The following KCNQ1 variants were observed in gnomAD, a reference collection of about 807,000 sequenced individuals.
The protein encoded by KCNQ1 is potassium voltage-gated channel subfamily Q member 1.
KCNQ1 carries 49 observed loss-of-function variants against 72.4 expected under a neutral mutation model. The ratio of observed to expected loss-of-function variants is 0.68; its 90% CI spans 0.54 to 0.86. KCNQ1 has a LOEUF of 0.86. Ranked by LOEUF, KCNQ1 falls within the 40% of genes least tolerant of loss-of-function variation. KCNQ1 has a pLI of 0.00. For synonymous variants in KCNQ1, 450 were observed against 412.6 expected (o/e 1.09, Z -1.10); for missense variants, 790 against 945.1 (o/e 0.84, Z 2.15).
At position 2,588,197 on chromosome 11, in the gene KCNQ1, G is replaced by A. The variant is rs116665943; in HGVS notation, c.1251+505G>A. Among the ~76,000 whole-genome samples the A allele has an allele frequency of 2.6e-5, 4 of 152,046 alleles. No individual in the cohort carries two copies. Among genetic ancestry groups the A allele is most frequent in the Non-Finnish European group, 4.4e-5 (3 of 67,992 alleles). ...GGGGTCATAAGGGGTTGGGGCTGAC[G>A]CTGGCATGGTTCCCCTTCCTGGCCC... is the stretch of plus-strand genomic sequence containing the variant. On this transcript the variant is annotated intron_variant, in intron 9 of 15. Transcript: ENST00000155840. This position sits in a 1 kb window ranked among gnomAD's most constrained non-coding sequence, Gnocchi z 5.6.
At position 2,549,824 on chromosome 11, in the gene KCNQ1, C is replaced by T. The variant is rs376219662; in HGVS notation, c.478-20804C>T. Among the ~76,000 whole-genome samples the T allele has an allele frequency of 6.6e-6, 1 of 152,150 alleles. No individual in the cohort carries two copies. Among genetic ancestry groups the T allele is most frequent in the East Asian group, 1.9e-4 (1 of 5,176 alleles). On this transcript the variant is annotated intron_variant, in intron 2 of 15. Transcript: ENST00000155840. This position sits in a 1 kb window ranked among gnomAD's most constrained non-coding sequence, Gnocchi z 6.2. Reference sequence around the variant, plus strand: ...TGCGCCTCCTTCCCCATGACTGGCCCTGGGTGGCGGAGAGACCCCTGGGCA... The same window carrying T: ...TGCGCCTCCTTCCCCATGACTGGCCTTGGGTGGCGGAGAGACCCCTGGGCA...
At chr11:2,846,810 T>C (rs1848338550) in intron 15 of KCNQ1, among the ~76,000 whole-genome samples, 1 of 152,274 alleles carries the variant, frequency 6.6e-6, no homozygotes, top group South Asian at 2.1e-4. Flanking sequence ...GCTTCTCTGC[T>C]GCCTCCGCAG....
intron 15 of KCNQ1, among the ~76,000 whole-genome samples, chr11:2,825,024 A>G (rs1335347056): frequency 6.6e-6 from 1 of 152,222 alleles, no homozygotes; most frequent in Non-Finnish European, 1.5e-5. Flanking sequence ...ATTGTGGGCC[A>G]GCTCCGAGCT....
chr11:2,692,830 T>A (rs371832853), intron 11 of KCNQ1: 6 of 398,522 alleles, frequency 1.5e-5, no homozygotes, highest in East Asian at 1.1e-4. Context: ...CAATGATCAT[T>A]CCCCTGCCTG....
At chr11:2,574,973 G>A (rs1266458819) in intron 6 of KCNQ1, among the ~76,000 whole-genome samples, 2 of 152,196 alleles carry the variant, frequency 1.3e-5, no homozygotes, top group African/African-American at 2.4e-5. Flanking sequence ...GTGCTCGGGG[G>A]ATGGACGGCC....
rs1847414704 is a variant in KCNQ1, at chr11:2,808,029, TC to T, written c.1794+29996del. Among the ~76,000 whole-genome samples the T allele has an allele frequency of 6.6e-6, 1 of 152,070 alleles. No homozygotes were observed. The highest frequency in any genetic ancestry group is 6.5e-5 in the Admixed American group (1 of 15,272). ...GCAGGGCCGGTGGTACCTGGAGCCC[TC>T]CCCACTGAGCACCTGGCCCAGTGCC... is the stretch of plus-strand genomic sequence containing the variant. On this transcript the variant is annotated intron_variant, in intron 15 of 15. Transcript: ENST00000155840. The surrounding 1 kb of genome is among the most constrained non-coding windows in gnomAD (Gnocchi z 6.0).
At chr11:2,502,886 C>G (rs1266374122) in intron 1 of KCNQ1, among the ~76,000 whole-genome samples, 1 of 152,160 alleles carries the variant, frequency 6.6e-6, no homozygotes, top group Admixed American at 6.5e-5. Context: ...ATCCATATGT[C>G]TACGACAAAC....
In KCNQ1 at chr11:2,649,866, A is replaced by G. The variant is rs201434624; in HGVS notation, c.1394-12095A>G. The stretch of plus-strand genomic sequence containing the variant: ...CAAACTTTGGCAGTTTTCAGGTATT[A>G]TCTTCTTAAATAGATTTTCTGGTCC... On this transcript the variant is annotated intron_variant, in intron 10 of 15. Coordinates refer to ENST00000155840, the MANE Select transcript of KCNQ1 (RefSeq NM_000218.3). 1.6e-3 allele frequency: 619 copies of G among 398,362 alleles called. 3 individuals are homozygous for G. The East Asian group carries it at 0.018, about 12-fold the overall frequency. 24.7% of individuals were successfully genotyped at this position (398,362 alleles called of 1,614,324 possible).
chr11:2,761,360 C>T (rs561434092), intron 11 of KCNQ1, among the ~76,000 whole-genome samples: 3 of 152,146 alleles, frequency 2.0e-5, no homozygotes, highest in Admixed American at 6.5e-5. Context: ...CTTCTTCTGC[C>T]GATGTGTTCC....
At chr11:2,771,292 C>T (rs1388673461) in intron 12 of KCNQ1, 2 of 152,368 alleles carry the variant, frequency 1.3e-5, no homozygotes, top group Non-Finnish European at 2.9e-5. Flanking sequence ...CTTTCTCCAT[C>T]AGCCAGGAAG....
Position 2,848,721 on chromosome 11 carries a change from G to A in KCNQ1, c.*718G>A, listed in dbSNP as rs1373959043. 1 of 452,748 alleles carries A rather than the reference G, an allele frequency of 2.2e-6. No homozygotes were observed. The highest frequency in any genetic ancestry group is 4.4e-6 in the Non-Finnish European group (1 of 225,690). 28.0% of individuals were successfully genotyped at this position (452,748 alleles called of 1,614,324 possible). ...AGAGGAGCCCTGCCTCTCCGCCCCT[G>A]AGCCCACTGTGCGTGGGGCTCCCGC... is the stretch of plus-strand genomic sequence containing the variant. On this transcript the variant is annotated 3_prime_UTR_variant, in exon 16 of 16. Transcript: ENST00000155840.
intron 1 of KCNQ1, among the ~76,000 whole-genome samples, chr11:2,474,911 G>A (rs1468950674): frequency 6.6e-6 from 1 of 152,200 alleles, no homozygotes; most frequent in Non-Finnish European, 1.5e-5. Flanking sequence ...GAGGCATGGG[G>A]TGCATAGCTA....
chr11:2,729,242 AAGG>A (rs1845811934), intron 11 of KCNQ1, among the ~76,000 whole-genome samples: 1 of 152,260 alleles, frequency 6.6e-6, no homozygotes, highest in South Asian at 2.1e-4. Flanking sequence ...CCACAGGGCT[AAGG>A]CCATGCTGCG....
At chr11:2,837,793 C>A (rs1371461495) in intron 15 of KCNQ1, among the ~76,000 whole-genome samples, 2 of 152,234 alleles carry the variant, frequency 1.3e-5, no homozygotes, top group Non-Finnish European at 2.9e-5. Context: ...GAGGTAGGAA[C>A]CAGAGGAAAC....
At position 2,623,093 on chromosome 11, in the gene KCNQ1, C is replaced by G. The variant is rs1849201741; in HGVS notation, c.1393+34239C>G. On this transcript the variant is annotated intron_variant, in intron 10 of 15. Transcript: ENST00000155840. This position sits in a 1 kb window ranked among gnomAD's most constrained non-coding sequence, Gnocchi z 5.2. ...TCATGATAGTGAGTTCTCATGAGAT[C>G]TGGTTGTTTAAACGTGTGTGGCACT... 1 of 398,616 alleles carries G rather than the reference C, an allele frequency of 2.5e-6. No individual in the cohort carries two copies. The highest frequency in any genetic ancestry group is 6.3e-4 in the Middle Eastern group (1 of 1,586). The allele number at this position is 398,616 out of a possible 1,614,324, so 24.7% of individuals were successfully genotyped here.
intron 15 of KCNQ1, among the ~76,000 whole-genome samples, chr11:2,789,118 C>G (rs532685556): frequency 6.6e-6 from 1 of 152,208 alleles, no homozygotes; most frequent in Admixed American, 6.5e-5. Flanking sequence ...ACCTCTGAAC[C>G]GCAGCCCAGC....
intron 11 of KCNQ1, among the ~76,000 whole-genome samples, chr11:2,732,917 C>T (rs1386711732): frequency 6.6e-6 from 1 of 152,116 alleles, no homozygotes; most frequent in Non-Finnish European, 1.5e-5. Context: ...GCTCTGGTCC[C>T]ACCCACCCTC....
intron 1 of KCNQ1, among the ~76,000 whole-genome samples, chr11:2,470,553 G>A (rs1002732425): frequency 2.0e-5 from 3 of 152,074 alleles, no homozygotes; most frequent in African/African-American, 7.2e-5. Context: ...GCTGGTTTCT[G>A]TTCAGCCCTT....
At chr11:2,699,817 T>C (rs1355891112) in intron 11 of KCNQ1, 3 of 393,014 alleles carry the variant, frequency 7.6e-6, no homozygotes, top group Non-Finnish European at 1.3e-5. Flanking sequence ...AGAACCACGA[T>C]GACTGACGCA....
Sources: gnomAD v4.1 joint callset for allele counts (sites outside exome capture counted in the v4.1 genomes callset) on GRCh38, gnomAD v4.1.1 for gene constraint, Gnocchi (gnomAD v3.1) non-coding constraint, MANE v1.5 for transcripts, NCBI Gene and HGNC (gene_info 2026-07-23, HGNC 2026-07-21) for gene names.